MTX2: variants seen among roughly 807,000 people sequenced by gnomAD.
MTX2 encodes metaxin 2, also known as metaxin-2.
MTX2 carries 35 observed loss-of-function variants against 42.3 expected under a neutral mutation model. That is an observed-to-expected ratio of 0.83 (90% confidence interval 0.63 to 1.10). The LOEUF is 1.10. MTX2 is among the 50% of genes least tolerant of loss of function. The pLI, the probability that MTX2 is intolerant of heterozygous loss-of-function variation, is 0.00. For synonymous variants in MTX2, 119 were observed against 100.9 expected (o/e 1.18, Z -1.08); for missense variants, 307 against 304.1 (o/e 1.01, Z -0.07).
At chr2:176,330,733 A>AAT in intron 9 of MTX2, 73 bp downstream of exon 9, 2 of 1,031,332 alleles carry the variant, frequency 1.9e-6, no homozygotes, top group Non-Finnish European at 2.9e-6. Context: ...TCATAAAAGA[A>AAT]TTGCTTTTTC....
intron 1 of MTX2, among the ~76,000 whole-genome samples, chr2:176,278,844 A>G (rs1693011854): frequency 6.6e-6 from 1 of 152,132 alleles, no homozygotes; most frequent in African/African-American, 2.4e-5. Flanking sequence ...CCTTGCCAGT[A>G]AAAGGGATGC....
chr2:176,310,435 G>T (rs1282551841), intron 3 of MTX2, among the ~76,000 whole-genome samples: 2 of 152,078 alleles, frequency 1.3e-5, no homozygotes, highest in African/African-American at 4.8e-5. Flanking sequence ...CCTGAATTTG[G>T]ATGTTGGCCT....
At chr2:176,334,035 G>A (rs1157314991) in intron 9 of MTX2, among the ~76,000 whole-genome samples, 2 of 151,730 alleles carry the variant, frequency 1.3e-5, no homozygotes, top group Admixed American at 6.6e-5. Context: ...TTCTGTTGAT[G>A]TTCTAAAGTA....
At chr2:176,331,922 A>G (rs1251948187) in intron 9 of MTX2, among the ~76,000 whole-genome samples, 2 of 151,432 alleles carry the variant, frequency 1.3e-5, no homozygotes, top group South Asian at 2.1e-4. Context: ...CCAGGAGAAT[A>G]GATCTAACTT....
chr2:176,312,223 T>A (rs1232879092), intron 3 of MTX2, among the ~76,000 whole-genome samples: 2 of 152,234 alleles, frequency 1.3e-5, no homozygotes, highest in Admixed American at 6.5e-5. Context: ...TAATTTTTGC[T>A]ATAGTTTACT....
At chr2:176,290,386 C>G (rs548847493) in intron 1 of MTX2, among the ~76,000 whole-genome samples, 1 of 152,060 alleles carries the variant, frequency 6.6e-6, no homozygotes, top group African/African-American at 2.4e-5. Context: ...CAAGACTCTT[C>G]CTTGCTCTAG....
intron 8 of MTX2, 63 bp from the exon 9 acceptor site, chr2:176,330,521 T>C (rs1575062851): frequency 8.4e-7 from 1 of 1,196,730 alleles, no homozygotes; most frequent in East Asian, 2.4e-5. Context: ...AGTTACGTTT[T>C]AGATACTTTT....
intron 2 of MTX2, among the ~76,000 whole-genome samples, chr2:176,297,249 C>T (rs926735297): frequency 1.3e-5 from 2 of 152,152 alleles, no homozygotes; most frequent in Non-Finnish European, 2.9e-5. Flanking sequence ...TAAAAAGGAA[C>T]TGTTAAAATG....
At chr2:176,310,294 C>G in intron 3 of MTX2, among the ~76,000 whole-genome samples, 1 of 152,130 alleles carries the variant, frequency 6.6e-6, no homozygotes, top group African/African-American at 2.4e-5. Flanking sequence ...ATGGGCCTCC[C>G]TTTGTGGGTA....
At chr2:176,321,342 C>T (rs538533434) in intron 3 of MTX2, among the ~76,000 whole-genome samples, 4 of 152,030 alleles carry the variant, frequency 2.6e-5, no homozygotes, top group Admixed American at 6.6e-5. Flanking sequence ...TTTAAAGGAC[C>T]GTTAGTTTCC....
chr2:176,334,720 G>A (rs1475438047), intron 9 of MTX2, among the ~76,000 whole-genome samples: 1 of 151,920 alleles, frequency 6.6e-6, no homozygotes, highest in South Asian at 2.1e-4. Context: ...ACACATCTTA[G>A]GATGCTTTCT....
rs748892140 is a variant in MTX2 at position 176,270,327 on chromosome 2, C to T, written c.40+658C>T. 7 of 1,344,432 alleles carry T rather than the reference C, an allele frequency of 5.2e-6. No individual in the cohort carries two copies. The South Asian group carries it at 5.9e-5, about 11-fold the overall frequency. 83.3% of individuals were successfully genotyped at this position (1,344,432 alleles called of 1,614,324 possible). A position where few individuals can be genotyped will look rare whatever the true frequency, so the allele number is the denominator to read the frequency against. The stretch of plus-strand genomic sequence containing the variant: ...TTGGGATTACAGGCGCCCGCCACCA[C>T]GCCCGCGCGGATTCATGGAAAATTT... On this transcript the variant is annotated intron_variant, in intron 1 of 9. Transcript: ENST00000249442.
chr2:176,273,931 C>G (rs1468982635), intron 1 of MTX2, among the ~76,000 whole-genome samples: 1 of 151,166 alleles, frequency 6.6e-6, no homozygotes, highest in East Asian at 1.9e-4. Flanking sequence ...AAAAAACCTC[C>G]TCTTGTTTTA....
Position 176,334,796 on chromosome 2 carries a change from G to T in MTX2, c.621-2697G>T, listed in dbSNP as rs865967252. Reference sequence around the variant, plus strand: ...TCCTTAGATACTGTGCTAAGAACTGGGAATATAAAGATATATACAGCATTG... The same window carrying T: ...TCCTTAGATACTGTGCTAAGAACTGTGAATATAAAGATATATACAGCATTG... On this transcript the variant is annotated intron_variant, in intron 9 of 9. Coordinates refer to ENST00000249442, the MANE Select transcript of MTX2 (RefSeq NM_006554.5). Among the ~76,000 whole-genome samples the T allele has an allele frequency of 3.0e-4, 45 of 151,888 alleles. 1 individual carries two copies. Among genetic ancestry groups the T allele is most frequent in the Admixed American group, 2.9e-3 (44 of 15,210 alleles).
chr2:176,294,634 C>G (rs1259451411), intron 1 of MTX2, among the ~76,000 whole-genome samples: 1 of 152,168 alleles, frequency 6.6e-6, no homozygotes, highest in African/African-American at 2.4e-5. Flanking sequence ...TATAAGAACT[C>G]TGTTACATTA....
rs764011871 is a variant in MTX2 at position 176,296,885 on chromosome 2, T to G, written c.66T>G (p.Ala22=). 12 of 1,613,496 alleles carry G rather than the reference T, an allele frequency of 7.4e-6. No individual in the cohort carries two copies. The highest frequency in any genetic ancestry group is 1.0e-5 in the Non-Finnish European group (12 of 1,179,684). The part of the protein sequence containing the change: ...IAAAEPWPEN[A]TLYQQLKGEQ... ...CTGCAGAACCTTGGCCTGAAAATGC[T>G]ACATTATATCAGCAATTGAAAGGTA... Residue 22 remains alanine, a synonymous_variant, in exon 2 of 10, where the codon GCT becomes GCG. Transcript: ENST00000249442.
chr2:176,272,102 G>A (rs1692828073), intron 1 of MTX2, among the ~76,000 whole-genome samples: 1 of 152,178 alleles, frequency 6.6e-6, no homozygotes, highest in African/African-American at 2.4e-5. Flanking sequence ...TGATAAAATG[G>A]ATGGATCTGG....
chr2:176,294,646 A>G (rs185671570), intron 1 of MTX2, among the ~76,000 whole-genome samples: 256 of 152,348 alleles, frequency 1.7e-3, no homozygotes, highest in Admixed American at 4.0e-3. Context: ...GTTACATTAC[A>G]GAGTAGTGAA....
intron 3 of MTX2, among the ~76,000 whole-genome samples, chr2:176,314,354 T>A (rs1004459271): frequency 2.6e-5 from 4 of 152,028 alleles, no homozygotes; most frequent in African/African-American, 9.7e-5. Context: ...TGAGAATTGC[T>A]TGAGCCTGGG....
Sources: gnomAD v4.1 joint callset for allele counts (sites outside exome capture counted in the v4.1 genomes callset) on GRCh38, gnomAD v4.1.1 for gene constraint, MANE v1.5 for transcripts, NCBI Gene and HGNC (gene_info 2026-07-23, HGNC 2026-07-21) for gene names.